Variants in BLTP1 observed in about 807,000 individuals in gnomAD.
BLTP1 encodes the protein fragile site-associated protein.
At chr4:122,252,997 A>T in the BLTP1 span, among the ~76,000 whole-genome samples, 1 of 152,170 alleles carries the variant, frequency 6.6e-6, no homozygotes, top group African/African-American at 2.4e-5. Flanking sequence ...AGATAATAAG[A>T]GCCTCTGTCT....
the BLTP1 span, chr4:122,352,764 C>G: frequency 1.0e-6 from 1 of 985,444 alleles, no homozygotes; most frequent in Non-Finnish European, 1.5e-6. Context: ...TTAGCTATTG[C>G]TTAATGTTTA....
the BLTP1 span, chr4:122,212,056 A>G: frequency 6.1e-6 from 6 of 984,540 alleles, no homozygotes; most frequent in Admixed American, 2.5e-4. Flanking sequence ...CCTGTAATGT[A>G]CAGTAATTAA....
the BLTP1 span, among the ~76,000 whole-genome samples, chr4:122,323,108 T>G: frequency 8.5e-5 from 13 of 152,080 alleles, no homozygotes; most frequent in Non-Finnish European, 2.9e-5. Context: ...TTCCAGCAAT[T>G]CTTCAATTAC....
At chr4:122,185,505 C>G in the BLTP1 span, 1 of 818,466 alleles carries the variant, frequency 1.2e-6, no homozygotes, top group Non-Finnish European at 1.5e-6. Context: ...GCTATTTCTA[C>G]TTAATGTAAT....
the BLTP1 span, among the ~76,000 whole-genome samples, chr4:122,285,969 T>C: frequency 6.6e-6 from 1 of 152,204 alleles, no homozygotes; most frequent in Non-Finnish European, 1.5e-5. Flanking sequence ...AATAGTAAAC[T>C]AAAATTCATA....
At chr4:122,157,118 A>C in the BLTP1 span, among the ~76,000 whole-genome samples, 2 of 152,316 alleles carry the variant, frequency 1.3e-5, no homozygotes, top group African/African-American at 4.8e-5. Flanking sequence ...ATCAAGTTAG[A>C]GATACCTTGA....
chr4:122,211,517 T>G, the BLTP1 span, among the ~76,000 whole-genome samples: 1 of 152,300 alleles, frequency 6.6e-6, no homozygotes, highest in East Asian at 1.9e-4. Context: ...TAAAAATAAG[T>G]GACAACGTTT....
At chr4:122,298,200 TA>T in the BLTP1 span, 1 of 877,254 alleles carries the variant, frequency 1.1e-6, no homozygotes, top group Non-Finnish European at 1.4e-6. Context: ...AATAAATAGA[TA>T]AGACAGCTAA....
the BLTP1 span, chr4:122,274,505 C>T: frequency 1.3e-6 from 2 of 1,548,338 alleles, no homozygotes; most frequent in East Asian, 2.4e-5. Flanking sequence ...TTTGGATAAA[C>T]ATGCTGAATT....
At chr4:122,181,264 G>A in the BLTP1 span, 1 of 967,552 alleles carries the variant, frequency 1.0e-6, no homozygotes, top group Non-Finnish European at 1.2e-6. Flanking sequence ...GAGCTATACT[G>A]GACAACTGAC....
At chr4:122,253,186 G>T in the BLTP1 span, among the ~76,000 whole-genome samples, 3 of 143,682 alleles carry the variant, frequency 2.1e-5, no homozygotes, top group African/African-American at 8.6e-5. Context: ...AAGAAGGATG[G>T]GTACAAACAA....
the BLTP1 span, chr4:122,356,984 A>G: frequency 1.0e-6 from 1 of 983,412 alleles, no homozygotes. Context: ...ACATTATCTT[A>G]TGTACATTTT....
At chr4:122,164,482 C>G in the BLTP1 span, 1 of 893,002 alleles carries the variant, frequency 1.1e-6, no homozygotes, top group Non-Finnish European at 1.3e-6. Context: ...GCATCTTTGG[C>G]AGGAATATCA....
At chr4:122,287,834 T>C in the BLTP1 span, 13 of 413,548 alleles carry the variant, frequency 3.1e-5, no homozygotes, top group African/African-American at 2.6e-4. Context: ...GAAAATATTT[T>C]AAAGTGTATC....
the BLTP1 span, chr4:122,336,871 T>C: frequency 1.9e-6 from 3 of 1,589,832 alleles, no homozygotes; most frequent in African/African-American, 4.1e-5. Context: ...TAACCAAATA[T>C]TTTAAACAGC....
At chr4:122,189,046 A>T in the BLTP1 span, 1 of 984,804 alleles carries the variant, frequency 1.0e-6, no homozygotes, top group Non-Finnish European at 1.2e-6. Context: ...GTGCACACAA[A>T]TGTGTATGAG....
At chr4:122,332,453 A>T in the BLTP1 span, among the ~76,000 whole-genome samples, 4 of 152,054 alleles carry the variant, frequency 2.6e-5, no homozygotes, top group African/African-American at 9.6e-5. Context: ...TTCAAATGAA[A>T]GTCACGACCT....
chr4:122,351,148 T>A, the BLTP1 span: 2 of 298,550 alleles, frequency 6.7e-6, no homozygotes, highest in Non-Finnish European at 9.9e-6. Flanking sequence ...AAATGGTGGC[T>A]TTCACTAGGA....
At chr4:122,205,135 T>C in the BLTP1 span, among the ~76,000 whole-genome samples, 3 of 151,898 alleles carry the variant, frequency 2.0e-5, no homozygotes, top group South Asian at 2.1e-4. Flanking sequence ...TTATGTAAGA[T>C]AAATTTACTC....
Sources: allele counts gnomAD v4.1 joint callset (sites outside exome capture counted in the v4.1 genomes callset), GRCh38; gene constraint gnomAD v4.1.1; transcripts MANE v1.5; gene names NCBI Gene and HGNC (gene_info 2026-07-23, HGNC 2026-07-21).